The following CD4 variants were observed in gnomAD, a reference collection of about 807,000 sequenced individuals.
CD4 encodes the protein T-cell surface glycoprotein CD4.
Under a neutral mutation model 50.5 loss-of-function variants are expected in CD4, and 25 were observed. The observed-to-expected ratio is 0.49, with a 90% CI of 0.36 to 0.69. The LOEUF is 0.69. Ranked by LOEUF, CD4 falls within the 30% of genes least tolerant of loss-of-function variation. CD4 has a pLI of 0.00. For missense variants in CD4, 456 were observed against 548.5 expected, an observed-to-expected ratio of 0.83 and a Z score of 1.68; for synonymous variants, 207 against 221.9, an observed-to-expected ratio of 0.93 and a Z score of 0.60.
At chr12:6,801,043 C>G (rs1462581217) in intron 3 of CD4, among the ~76,000 whole-genome samples, 2 of 151,706 alleles carry the variant, frequency 1.3e-5, no homozygotes, top group African/African-American at 2.4e-5. Context: ...GTAGCTGGGA[C>G]TACAGGCATG....
At chr12:6,795,045 C>G (rs1309052725) in intron 1 of CD4, among the ~76,000 whole-genome samples, 1 of 151,882 alleles carries the variant, frequency 6.6e-6, no homozygotes, top group African/African-American at 2.4e-5. Flanking sequence ...CTAAGCCTCC[C>G]AAAGTGCTGG....
chr12:6,793,995 T>TATCTATCTATCTATC, intron 1 of CD4, among the ~76,000 whole-genome samples: 1 of 151,594 alleles, frequency 6.6e-6, no homozygotes. Flanking sequence ...TCTATCTATC[T>TATCTATCTATCTATC]ATCTATCTAT....
intron 3 of CD4, among the ~76,000 whole-genome samples, chr12:6,813,876 A>T (rs1159911331): frequency 6.6e-6 from 1 of 152,216 alleles, no homozygotes; most frequent in Non-Finnish European, 1.5e-5. Flanking sequence ...GATTACTGAG[A>T]TGATGCCTGT....
chr12:6,806,161 AC>A lies in CD4; in HGVS notation c.214+5691del, dbSNP rs1555116142. 1.9e-5 allele frequency among the ~76,000 whole-genome samples: 2 copies of A among 104,064 alleles called. 1 individual carries two copies. Among genetic ancestry groups the A allele is most frequent in the African/African-American group, 1.0e-4 (2 of 19,946 alleles). 68.3% of individuals were successfully genotyped at this position (104,064 alleles called of 152,430 possible). On this transcript the variant is annotated intron_variant, in intron 3 of 9. Transcript: ENST00000011653. ...CAAAAAAAAAAAAAGGTACATACAC[AC>A]ACACACACACACACACACACATACA...
intron 3 of CD4, among the ~76,000 whole-genome samples, chr12:6,804,512 T>G (rs1341006902): frequency 6.6e-6 from 1 of 152,220 alleles, no homozygotes; most frequent in East Asian, 1.9e-4. Context: ...ATAAAAAATC[T>G]ATTGTATTTC....
At chr12:6,819,208 T>C in intron 9 of CD4, 91 bp from the exon 10 acceptor site, 1 of 1,282,346 alleles carries the variant, frequency 7.8e-7, no homozygotes, top group Non-Finnish European at 1.1e-6. Flanking sequence ...CCACTGGAGC[T>C]GTGCTGCGCT....
At chr12:6,800,023 C>A in intron 1 of CD4, 49 bp from the exon 2 acceptor site, 2 of 923,382 alleles carry the variant, frequency 2.2e-6, no homozygotes, top group Non-Finnish European at 3.5e-6. Context: ...CCCCTGTATA[C>A]TCCAGGTCCA....
intron 3 of CD4, 21 bp downstream of exon 3, chr12:6,800,492 A>T: frequency 1.2e-6 from 2 of 1,602,988 alleles, no homozygotes; most frequent in Non-Finnish European, 1.7e-6. Context: ...CTGGCTCCCC[A>T]TCCAGGGAGG....
intron 5 of CD4, among the ~76,000 whole-genome samples, chr12:6,815,262 G>A (rs1555117737): frequency 1.3e-5 from 2 of 152,138 alleles, no homozygotes; most frequent in Non-Finnish European, 2.9e-5. Context: ...CTCCTTTGGA[G>A]GCCCCAAAGG....
intron 7 of CD4, among the ~76,000 whole-genome samples, chr12:6,817,840 CAT>C (rs1555118227): frequency 1.4e-5 from 2 of 147,142 alleles, no homozygotes; most frequent in East Asian, 2.0e-4. Flanking sequence ...GTCACACACT[CAT>C]ACACACACAT....
intron 1 of CD4, among the ~76,000 whole-genome samples, chr12:6,793,670 A>G (rs896562040): frequency 1.1e-5 from 1 of 90,584 alleles, no homozygotes; most frequent in Non-Finnish European, 2.1e-5. Flanking sequence ...CTATCTATCT[A>G]TCTATCTATC....
At chr12:6,815,559 T>C (rs782224086) in intron 5 of CD4, among the ~76,000 whole-genome samples, 77 of 152,282 alleles carry the variant, frequency 5.1e-4, no homozygotes, top group African/African-American at 1.7e-3. Flanking sequence ...TGACCTTGGG[T>C]GAGTTACTAA....
chr12:6,804,542 T>C (rs1308692353), intron 3 of CD4, among the ~76,000 whole-genome samples: 2 of 152,122 alleles, frequency 1.3e-5, no homozygotes, highest in African/African-American at 4.8e-5. Flanking sequence ...GCAAGGAACA[T>C]GTGTACACAG....
At chr12:6,814,692 T>G (rs1943039156) in intron 4 of CD4, 67 bp from the exon 5 acceptor site, 1 of 1,170,934 alleles carries the variant, frequency 8.5e-7, no homozygotes, top group Non-Finnish European at 1.3e-6. Context: ...TGTTGTTGGT[T>G]TCCTGTTGTC....
At chr12:6,804,978 T>C (rs1591551874) in intron 3 of CD4, among the ~76,000 whole-genome samples, 1 of 143,568 alleles carries the variant, frequency 7.0e-6, no homozygotes, top group Admixed American at 7.2e-5. Flanking sequence ...ATTGTGCCAC[T>C]GCACTCCAGC....
chr12:6,797,252 C>G (rs775556359), intron 1 of CD4, among the ~76,000 whole-genome samples: 6 of 152,136 alleles, frequency 3.9e-5, no homozygotes, highest in Non-Finnish European at 8.8e-5. Flanking sequence ...CCCACCACCC[C>G]CAGTCTCGCC....
intron 1 of CD4, chr12:6,799,177 C>G (rs1942463049): frequency 6.6e-6 from 1 of 152,196 alleles, no homozygotes; most frequent in Non-Finnish European, 1.5e-5. Flanking sequence ...AAAAATTGGA[C>G]ATGACACACA....
At position 6,818,480 on chromosome 12, in the gene CD4, G is replaced by A. The variant is rs373415505; in HGVS notation, c.1216G>A (p.Ala406Thr). Residue 406 changes from alanine (A) to threonine (T), a missense_variant, in exon 8 of 10, where the codon GCC becomes ACC. Transcript: ENST00000011653. The surrounding 1 kb of genome is among the most constrained non-coding windows in gnomAD (Gnocchi z 5.0). Reference protein sequence around the residue: ...PMALIVLGGVAGLLLFIGLGI... With the variant: ...PMALIVLGGVTGLLLFIGLGI... Reference sequence around the variant, plus strand: ...GGCCCTGATTGTGCTGGGGGGCGTCGCCGGCCTCCTGCTTTTCATTGGGCT... The same window carrying A: ...GGCCCTGATTGTGCTGGGGGGCGTCACCGGCCTCCTGCTTTTCATTGGGCT... The A allele has an allele frequency of 3.4e-5, 55 of 1,612,876 alleles. 1 individual carries two copies. In the South Asian group the frequency reaches 5.3e-4, roughly 15 times the overall value.
intron 1 of CD4, among the ~76,000 whole-genome samples, chr12:6,798,627 T>G (rs1417682889): frequency 6.6e-6 from 1 of 152,190 alleles, no homozygotes; most frequent in Non-Finnish European, 1.5e-5. Flanking sequence ...TCTTATGTCT[T>G]CCTTTTTCTA....
Sources: gnomAD v4.1 joint callset for allele counts (sites outside exome capture counted in the v4.1 genomes callset) on GRCh38, gnomAD v4.1.1 for gene constraint, Gnocchi (gnomAD v3.1) non-coding constraint, MANE v1.5 for transcripts, NCBI Gene and HGNC (gene_info 2026-07-23, HGNC 2026-07-21) for gene names.